Variants in FAT2 observed in about 807,000 individuals in gnomAD.
FAT2 encodes the protein protocadherin Fat 2.
Under a neutral mutation model 295.3 loss-of-function variants are expected in FAT2, and 150 were observed. The ratio of observed to expected loss-of-function variants is 0.51; its 90% CI spans 0.44 to 0.58. The LOEUF (loss-of-function observed/expected upper bound fraction) is 0.58. FAT2 is among the 20% of genes least tolerant of loss of function. FAT2 has a pLI of 0.00. For synonymous variants in FAT2, 2,026 were observed against 2,150.3 expected (o/e 0.94, Z 1.60); for missense variants, 4,868 against 5,442.7 (o/e 0.89, Z 3.32).
rs766377285 is a variant in FAT2 at position 151,540,754 on chromosome 5, G to A, written c.8852C>T (p.Pro2951Leu). 3.1e-6 allele frequency: 5 copies of A among 1,613,714 alleles called. No individual in the cohort carries two copies. Among genetic ancestry groups the A allele is most frequent in the Admixed American group, 1.7e-5 (1 of 60,004 alleles). Reference protein sequence around the residue: ...QVTCYITEGDPLGQFGISQVG... With the variant: ...QVTCYITEGDLLGQFGISQVG... ...TTGGCTGATGCCAAACTGGCCCAGG[G>A]GGTCTCCCTCTAAACAGATGGGGCA... Residue 2951 changes from proline (P) to leucine (L), a missense_variant, in exon 11 of 24, where the codon CCC becomes CTC. Pro to Leu is a moderately conservative substitution (Grantham distance 98). This residue lies in a region of FAT2 where 3,297 missense variants were observed against 3,669.4 expected (regional missense o/e 0.90). Coordinates refer to ENST00000261800, the MANE Select transcript of FAT2 (RefSeq NM_001447.3).
At chr5:151,537,559 T>C (rs1755575147) in intron 12 of FAT2, among the ~76,000 whole-genome samples, 2 of 152,202 alleles carry the variant, frequency 1.3e-5, no homozygotes, top group Admixed American at 6.5e-5. Context: ...ATTTAGCACA[T>C]TTAAAACCAC....
rs115119137 is a variant in FAT2 at position 151,549,623 on chromosome 5, C to T, written c.4579-118G>A. The T allele has an allele frequency of 6.8e-3, 4,973 of 733,378 alleles. 113 individuals carry two copies. Among genetic ancestry groups the T allele is most frequent in the South Asian group, 0.048 (2,721 of 56,532 alleles). The allele number at this position is 733,378 out of a possible 1,614,324, so 45.4% of individuals were successfully genotyped here. A position where few individuals can be genotyped will look rare whatever the true frequency, so the allele number is the denominator to read the frequency against. ...AAATATGCCCAATTGTAACTAACTC[C>T]CCATATTCTTTTAAATGTTGTTCTA... On this transcript the variant is annotated intron_variant, in intron 8 of 23. Transcript: ENST00000261800.
In FAT2 at chr5:151,527,366, A is replaced by G. The variant is rs757442265; in HGVS notation, c.10176T>C (p.Tyr3392=). ...KALDREQASS[Y]SLKLRATDSG... Reference sequence around the variant, plus strand: ...TGTCTGTGGCTCGGAGCTTCAGGGAATAACTAGAGGCCTATTGCAAAATGT... The same window carrying G: ...TGTCTGTGGCTCGGAGCTTCAGGGAGTAACTAGAGGCCTATTGCAAAATGT... Residue 3392 remains tyrosine (Y), a synonymous_variant, in exon 17 of 24, where the codon TAT becomes TAC. Transcript: ENST00000261800. 1.9e-6 allele frequency: 3 copies of G among 1,609,122 alleles called. No homozygotes were observed. The African/African-American group carries it at 4.0e-5, about 22-fold the overall frequency.
upstream of FAT2, among the ~76,000 whole-genome samples, chr5:151,592,825 A>G (rs146579253): frequency 1.3e-3 from 192 of 152,248 alleles, no homozygotes; most frequent in African/African-American, 4.3e-3. Context: ...CCTGGACCCT[A>G]TGAATTAGTG....
chr5:151,578,269 C>G (rs1397611792), intron 1 of FAT2, among the ~76,000 whole-genome samples: 1 of 152,148 alleles, frequency 6.6e-6, no homozygotes, highest in Non-Finnish European at 1.5e-5. Context: ...TGCTTACTAT[C>G]CTGTGGTTCT....
chr5:151,588,920 C>A (rs1297429761), intron 1 of FAT2, among the ~76,000 whole-genome samples: 1 of 152,196 alleles, frequency 6.6e-6, no homozygotes, highest in Non-Finnish European at 1.5e-5. Flanking sequence ...TGATCCCCAT[C>A]TTTCAAATGA....
chr5:151,550,353 G>C (rs767222857), intron 8 of FAT2, among the ~76,000 whole-genome samples: 1 of 152,098 alleles, frequency 6.6e-6, no homozygotes, highest in Non-Finnish European at 1.5e-5. Context: ...AAATATCTGG[G>C]GTGAGTCCAG....
At chr5:151,584,397 A>T (rs1280344229) in intron 1 of FAT2, among the ~76,000 whole-genome samples, 1 of 152,116 alleles carries the variant, frequency 6.6e-6, no homozygotes, top group Non-Finnish European at 1.5e-5. Context: ...TCTTGGAGCA[A>T]TATTCTGGTC....
rs2127641847 is a variant in FAT2, at chr5:151,563,448, G to A, written c.3451C>T (p.Pro1151Ser). The A allele has an allele frequency of 6.2e-7, 1 of 1,614,226 alleles. No homozygotes were observed. The highest frequency in any genetic ancestry group is 8.5e-7 in the Non-Finnish European group (1 of 1,180,038). ...AGTTGAAGCACAGAGGTGCCCACGGGAGCATCCTCCTGGATGGAGGGGTAG... is the reference window on the plus strand; with the variant it reads ...AGTTGAAGCACAGAGGTGCCCACGGAAGCATCCTCCTGGATGGAGGGGTAG... ...VFYPSIQEDAPVGTSVLQLDA... is the reference protein window; with the variant it reads ...VFYPSIQEDASVGTSVLQLDA... The change falls in exon 3 of 24, where the codon CCC becomes TCC. Residue 1151 changes from proline to serine, a missense_variant. Pro to Ser is a moderately conservative substitution (Grantham distance 74). Transcript: ENST00000261800.
In FAT2 at chr5:151,506,097, A is replaced by C. The variant is rs775423402; in HGVS notation, c.12518T>G (p.Val4173Gly). Residue 4173 changes from valine to glycine, a missense_variant and splice_region_variant, in exon 24 of 24, where the codon GTG becomes GGG. This residue lies in a region of FAT2 where 492 missense variants were observed against 482.6 expected (regional missense o/e 1.02). Coordinates refer to ENST00000261800, the MANE Select transcript of FAT2 (RefSeq NM_001447.3). ...IKRTWSSEEM[V>G]YPGGAMVWPP... ...CCAGACCATGGCTCCGCCAGGGTAC[A>C]CTGAAAGGGAACAGCAAGATAGGGT... is the stretch of plus-strand genomic sequence containing the variant. 1.2e-5 allele frequency: 18 copies of C among 1,510,572 alleles called. No homozygotes were observed. Among genetic ancestry groups the C allele is most frequent in the Non-Finnish European group, 1.6e-5 (18 of 1,139,688 alleles). 93.6% of individuals were successfully genotyped at this position (1,510,572 alleles called of 1,614,324 possible).
Position 151,529,244 on chromosome 5 carries a change from T to G in FAT2, c.9960A>C (p.Gln3320His). 6 of 1,614,036 alleles carry G rather than the reference T, an allele frequency of 3.7e-6. No individual in the cohort carries two copies. Among genetic ancestry groups the G allele is most frequent in the Non-Finnish European group, 5.1e-6 (6 of 1,179,996 alleles). ...NITDVNEHRP[Q>H]FPQDPYSTRV... is the part of the protein sequence containing the mutation. ...TTGTGCTATATGGATCTTGGGGGAATTGGGGCCGGTGTTCATTGACATCAG... is the reference window on the plus strand; with the variant it reads ...TTGTGCTATATGGATCTTGGGGGAAGTGGGGCCGGTGTTCATTGACATCAG... The change falls in exon 15 of 24, where the codon CAA becomes CAC. Residue 3320 changes from glutamine (Q) to histidine (H), a missense_variant. By Grantham distance (24) the Gln-to-His change is conservative (BLOSUM62 0). Coordinates refer to ENST00000261800, the MANE Select transcript of FAT2 (RefSeq NM_001447.3).
In FAT2 at chr5:151,512,112, T is replaced by G; in HGVS notation, c.11905+53A>C. The stretch of plus-strand genomic sequence containing the variant: ...TCCACCCTGACATGCTTTTCCCACC[T>G]GAAGAGCCTTCTGGGATAAACCCTG... On this transcript the variant is annotated intron_variant, in intron 21 of 23. Transcript: ENST00000261800. The surrounding 1 kb of genome is among the most constrained non-coding windows in gnomAD (Gnocchi z 4.1). 6.5e-7 allele frequency: 1 copy of G among 1,547,720 alleles called. No homozygotes were observed. The highest frequency in any genetic ancestry group is 8.8e-7 in the Non-Finnish European group (1 of 1,136,144).
chr5:151,507,242 A>G lies in FAT2; in HGVS notation c.12429T>C (p.Ser4143=), dbSNP rs760355926. The change falls in exon 23 of 24, where the codon AGT becomes AGC. Residue 4143 remains serine, a synonymous_variant. Coordinates refer to ENST00000261800, the MANE Select transcript of FAT2 (RefSeq NM_001447.3). ...CAGCTGGCGGGAGTCTGGGGGGCAC[A>G]CTGCAGACCACTGGCCGTTGCTTAG... ...PNSKQRPVVC[S]VPPRLPPAAV... 2.5e-6 allele frequency: 4 copies of G among 1,613,942 alleles called. No individual in the cohort carries two copies. The African/African-American group carries it at 5.3e-5, about 22-fold the overall frequency.
intron 21 of FAT2, chr5:151,511,611 A>T (rs1435510700): frequency 6.4e-6 from 1 of 156,654 alleles, no homozygotes; most frequent in African/African-American, 2.4e-5. Context: ...GTGCGTGTAC[A>T]TCATGGAGTA....
chr5:151,513,839 A>G (rs536108320), intron 20 of FAT2, among the ~76,000 whole-genome samples: 1 of 152,342 alleles, frequency 6.6e-6, no homozygotes, highest in East Asian at 1.9e-4. Context: ...ATTTTTAAAT[A>G]TCTCAGTTTT....
chr5:151,578,113 C>T (rs185477556), intron 1 of FAT2, among the ~76,000 whole-genome samples: 6 of 151,806 alleles, frequency 4.0e-5, no homozygotes, highest in East Asian at 1.9e-4. Flanking sequence ...AACAGGGGAA[C>T]GGGGGAACCT....
Position 151,504,693 on chromosome 5 carries a change from A to T in FAT2, c.*872T>A, listed in dbSNP as rs544928140. 1.3e-5 allele frequency: 2 copies of T among 152,792 alleles called. No individual in the cohort carries two copies. Among genetic ancestry groups the T allele is most frequent in the African/African-American group, 4.8e-5 (2 of 41,598 alleles). The allele number at this position is 152,792 out of a possible 1,614,324, so 9.5% of individuals were successfully genotyped here. A position where few individuals can be genotyped will look rare whatever the true frequency, so the allele number is the denominator to read the frequency against. ...GGTCAAAAAGTGCCTAAGAATTTTT[A>T]AAATGAAGAATTAGTTCCTTCCTTC... On this transcript the variant is annotated 3_prime_UTR_variant, in exon 24 of 24. Coordinates refer to ENST00000261800, the MANE Select transcript of FAT2 (RefSeq NM_001447.3).
intron 21 of FAT2, chr5:151,511,240 A>C (rs1761299327): frequency 1.3e-5 from 2 of 152,182 alleles, no homozygotes; most frequent in Non-Finnish European, 2.9e-5. Context: ...AAATCAGAAA[A>C]AGGGGTAATG....
At chr5:151,530,286 G>T (rs549021005) in intron 14 of FAT2, among the ~76,000 whole-genome samples, 1 of 149,840 alleles carries the variant, frequency 6.7e-6, no homozygotes, top group Admixed American at 6.6e-5. Flanking sequence ...TCTTATGTGC[G>T]TCCAGACATG....
Sources: gnomAD v4.1 joint callset for allele counts (sites outside exome capture counted in the v4.1 genomes callset) on GRCh38, gnomAD v4.1.1 for gene constraint, gnomAD v4.1.1 regional missense constraint, Gnocchi (gnomAD v3.1) non-coding constraint, MANE v1.5 for transcripts, NCBI Gene and HGNC (gene_info 2026-07-23, HGNC 2026-07-21) for gene names.